Variants in UBAC2 observed in about 807,000 individuals in gnomAD.
UBAC2 encodes the protein ubiquitin-associated domain-containing protein 2.
In UBAC2, 26 loss-of-function variants were observed where a neutral mutation model predicts 44.0. The ratio of observed to expected loss-of-function variants is 0.59; its 90% CI spans 0.43 to 0.82. UBAC2 has a LOEUF of 0.82. Ranked by LOEUF, UBAC2 falls within the 40% of genes least tolerant of loss-of-function variation. UBAC2 has a pLI of 0.00. For missense variants in UBAC2, 329 were observed against 419.4 expected, an observed-to-expected ratio of 0.78 and a Z score of 1.88; for synonymous variants, 155 against 154.3, an observed-to-expected ratio of 1.00 and a Z score of -0.04.
chr13:99,214,497 A>T (rs1476951307), intron 1 of UBAC2, among the ~76,000 whole-genome samples: 1 of 152,016 alleles, frequency 6.6e-6, no homozygotes. Flanking sequence ...AGAGGTGGGG[A>T]GTAGGTGGTG....
chr13:99,373,938 A>G (rs1283025572), intron 8 of UBAC2, among the ~76,000 whole-genome samples: 1 of 152,260 alleles, frequency 6.6e-6, no homozygotes, highest in Non-Finnish European at 1.5e-5. Context: ...TTCTCTATCC[A>G]GGCCCAGGAA....
intron 4 of UBAC2, among the ~76,000 whole-genome samples, chr13:99,310,765 C>T (rs371801276): frequency 6.6e-6 from 1 of 152,046 alleles, no homozygotes; most frequent in South Asian, 2.1e-4. Context: ...TTTTAGTTTA[C>T]GTTGAAATGT....
intron 4 of UBAC2, among the ~76,000 whole-genome samples, chr13:99,291,059 C>T (rs1460080352): frequency 1.3e-5 from 2 of 152,114 alleles, no homozygotes; most frequent in Non-Finnish European, 2.9e-5. Context: ...CCAAGTCAGG[C>T]CACAGGTTCT....
At chr13:99,374,391 G>T (rs2045451526) in intron 8 of UBAC2, among the ~76,000 whole-genome samples, 1 of 152,060 alleles carries the variant, frequency 6.6e-6, no homozygotes, top group Non-Finnish European at 1.5e-5. Flanking sequence ...ATTTAGTTTG[G>T]TCTTCTGGTT....
chr13:99,367,091 T>C (rs2045341017), intron 7 of UBAC2, among the ~76,000 whole-genome samples: 1 of 152,216 alleles, frequency 6.6e-6, no homozygotes, highest in Non-Finnish European at 1.5e-5. Flanking sequence ...CCATGGTGGC[T>C]TCTTTTTTGT....
chr13:99,255,056 A>C, intron 4 of UBAC2: 1 of 1,614,124 alleles, frequency 6.2e-7, no homozygotes. Flanking sequence ...TTCATGAGGA[A>C]GGTGGTAAAG....
At position 99,340,516 on chromosome 13, in the gene UBAC2, A is replaced by G. The variant is rs762580191; in HGVS notation, c.758A>G (p.Gln253Arg). ...CAGAGAATGGAGCTGCTGGACCGGC[A>G]GCTGATGTTCTCTCAGTTTGCACAA... ...RQQRMELLDR[Q>R]LMFSQFAQGR... The change falls in exon 7 of 9, where the codon CAG (glutamine) becomes CGG (arginine). Residue 253 changes from glutamine to arginine, a missense_variant. Transcript: ENST00000403766. The G allele has an allele frequency of 3.7e-6, 6 of 1,614,108 alleles. No individual in the cohort carries two copies. The African/African-American group carries it at 6.7e-5, about 18-fold the overall frequency.
chr13:99,288,392 G>T (rs2044047759), intron 4 of UBAC2, among the ~76,000 whole-genome samples: 1 of 152,188 alleles, frequency 6.6e-6, no homozygotes, highest in African/African-American at 2.4e-5. Context: ...ACTACGAGAA[G>T]CCACACAGTT....
chr13:99,333,860 A>C (rs1171855199), intron 6 of UBAC2, among the ~76,000 whole-genome samples: 1 of 152,128 alleles, frequency 6.6e-6, no homozygotes, highest in African/African-American at 2.4e-5. Flanking sequence ...CCCCCCCATA[A>C]ATTAAGAGCT....
intron 7 of UBAC2, among the ~76,000 whole-genome samples, chr13:99,358,594 G>A (rs2045221703): frequency 6.6e-6 from 1 of 152,194 alleles, no homozygotes; most frequent in Non-Finnish European, 1.5e-5. Context: ...ATTAATAAAA[G>A]GGCAATGAGG....
chr13:99,339,138 G>A (rs1054266471), intron 6 of UBAC2, among the ~76,000 whole-genome samples: 7 of 152,050 alleles, frequency 4.6e-5, no homozygotes, highest in Admixed American at 1.3e-4. Context: ...TGCCCACTCA[G>A]TAGCCCCCCA....
At chr13:99,321,826 A>G (rs2044572782) in intron 6 of UBAC2, among the ~76,000 whole-genome samples, 1 of 152,234 alleles carries the variant, frequency 6.6e-6, no homozygotes, top group Non-Finnish European at 1.5e-5. Flanking sequence ...TTTAGCTTAC[A>G]GGAGCAATAG....
intron 1 of UBAC2, among the ~76,000 whole-genome samples, chr13:99,212,718 T>A (rs942380177): frequency 2.0e-5 from 3 of 152,236 alleles, no homozygotes; most frequent in Admixed American, 6.5e-5. Flanking sequence ...GATCATTATT[T>A]CTATATTGCT....
chr13:99,331,294 G>A lies in UBAC2; in HGVS notation c.562-9026G>A, dbSNP rs186766604. ...ATGTTTGGAGCTTTTTAAATATGAA[G>A]GTGAAATAAACTTCTCTTGTATTTA... On this transcript the variant is annotated intron_variant, in intron 6 of 8. Transcript: ENST00000403766. 2.4e-4 allele frequency among the ~76,000 whole-genome samples: 36 copies of A among 152,190 alleles called. No individual in the cohort carries two copies. The East Asian group carries it at 6.6e-3, about 28-fold the overall frequency.
At chr13:99,320,854 G>A (rs2044558497) in intron 6 of UBAC2, among the ~76,000 whole-genome samples, 1 of 152,244 alleles carries the variant, frequency 6.6e-6, no homozygotes, top group Non-Finnish European at 1.5e-5. Context: ...GCCACAGTCT[G>A]CCTATTCCAG....
chr13:99,363,026 C>CA (rs11451868), intron 7 of UBAC2, among the ~76,000 whole-genome samples: 38,330 of 152,128 alleles, frequency 0.25, 6,008 homozygotes, highest in Non-Finnish European at 0.35. Context: ...TGGCTTTCCA[C>CA]ATTTAAATCT....
At chr13:99,247,308 C>G (rs9517662) in intron 4 of UBAC2, among the ~76,000 whole-genome samples, 86,017 of 150,292 alleles carry the variant, frequency 0.57, 26,354 homozygotes, top group Non-Finnish European at 0.71. Context: ...TCCGCCTCCC[C>G]GGTTCACGCC....
intron 6 of UBAC2, among the ~76,000 whole-genome samples, chr13:99,323,805 A>G (rs1412708665): frequency 1.3e-5 from 2 of 152,178 alleles, no homozygotes; most frequent in African/African-American, 4.8e-5. Flanking sequence ...AGGATGACAA[A>G]TGGTGTCTTA....
intron 1 of UBAC2, among the ~76,000 whole-genome samples, chr13:99,233,408 G>C (rs2043198236): frequency 6.6e-6 from 1 of 152,160 alleles, no homozygotes; most frequent in South Asian, 2.1e-4. Flanking sequence ...ACTGCACCCG[G>C]CCTCAGATTT....
Sources: allele counts gnomAD v4.1 joint callset (sites outside exome capture counted in the v4.1 genomes callset), GRCh38; gene constraint gnomAD v4.1.1; transcripts MANE v1.5; gene names NCBI Gene and HGNC (gene_info 2026-07-23, HGNC 2026-07-21).